Variants in STAG1 observed in about 807,000 individuals in gnomAD.
The protein encoded by STAG1 is cohesin subunit SA-1.
Under a neutral mutation model 170.9 loss-of-function variants are expected in STAG1, and 26 were observed. The ratio of observed to expected loss-of-function variants is 0.15; its 90% CI spans 0.11 to 0.21. The LOEUF (loss-of-function observed/expected upper bound fraction) is 0.21, where lower values mean the gene tolerates loss of function less well. Ranked by LOEUF, STAG1 falls within the 10% of genes least tolerant of loss-of-function variation. STAG1 has a pLI of 1.00. For missense variants in STAG1, 964 were observed against 1,509.5 expected (o/e 0.64, Z 5.99); for synonymous variants, 514 against 497.7 (o/e 1.03, Z -0.44).
chr3:136,359,182 T>C lies in STAG1; in HGVS notation c.2902A>G (p.Ile968Val), dbSNP rs1440789179. The C allele has an allele frequency of 6.2e-7, 1 of 1,613,474 alleles. No homozygotes were observed. Among genetic ancestry groups the C allele is most frequent in the African/African-American group, 1.3e-5 (1 of 74,942 alleles). Reference sequence around the variant, plus strand: ...GTGGCAACTGCTTCTCGTGTCTTAATCTGGTCCAATCCAAATGTAAGGGCA... The same window carrying C: ...GTGGCAACTGCTTCTCGTGTCTTAACCTGGTCCAATCCAAATGTAAGGGCA... ...RFALTFGLDQ[I>V]KTREAVATLH... Residue 968 changes from isoleucine to valine, a missense_variant, in exon 27 of 34, where the codon ATT becomes GTT. Transcript: ENST00000383202.
intron 5 of STAG1, among the ~76,000 whole-genome samples, chr3:136,551,700 C>A (rs992986128): frequency 6.6e-6 from 1 of 151,698 alleles, no homozygotes; most frequent in African/African-American, 2.4e-5. Context: ...GCAGCCTCAA[C>A]CTCTTGGCCA....
chr3:136,425,066 C>T (rs540236572), intron 16 of STAG1, among the ~76,000 whole-genome samples: 4 of 152,082 alleles, frequency 2.6e-5, no homozygotes, highest in African/African-American at 9.6e-5. Context: ...TCTCGATCTC[C>T]CGACCTCGTG....
intron 22 of STAG1, among the ~76,000 whole-genome samples, chr3:136,380,186 A>G (rs970266704): frequency 1.3e-5 from 2 of 152,232 alleles, no homozygotes; most frequent in African/African-American, 4.8e-5. Flanking sequence ...GTCTGACTCT[A>G]AAGTCCATGT....
chr3:136,747,180 G>A (rs1255212865), intron 1 of STAG1, among the ~76,000 whole-genome samples: 1 of 150,664 alleles, frequency 6.6e-6, no homozygotes, highest in Non-Finnish European at 1.5e-5. Context: ...GGCTGGGGCA[G>A]GAGAATCACT....
intron 29 of STAG1, among the ~76,000 whole-genome samples, chr3:136,345,464 T>TG (rs1936182959): frequency 6.7e-6 from 1 of 149,342 alleles, no homozygotes; most frequent in Admixed American, 6.6e-5. Context: ...TGTTTTTTTT[T>TG]TTTTTTTTTT....
rs550943096 is a variant in STAG1, at chr3:136,546,254, G to A, written c.395-4059C>T. On this transcript the variant is annotated intron_variant, in intron 5 of 33. Coordinates refer to ENST00000383202, the MANE Select transcript of STAG1 (RefSeq NM_005862.3). ...AAGAAATGACTGTAAGAAAAATAAT[G>A]TCTGTCTGCCACCTCAGTTCTATTA... Among the ~76,000 whole-genome samples the A allele has an allele frequency of 4.6e-5, 7 of 152,304 alleles. No individual in the cohort carries two copies. The South Asian group carries it at 1.4e-3, about 32-fold the overall frequency.
chr3:136,714,262 T>C (rs1395846384), intron 1 of STAG1, among the ~76,000 whole-genome samples: 2 of 152,088 alleles, frequency 1.3e-5, no homozygotes, highest in African/African-American at 4.8e-5. Context: ...AACCACAGTA[T>C]TTAGCAATAA....
chr3:136,347,081 TAAAA>T (rs57595953), intron 29 of STAG1, among the ~76,000 whole-genome samples: 1 of 118,220 alleles, frequency 8.5e-6, no homozygotes, highest in Admixed American at 8.7e-5. Context: ...CCTGTCTCAT[TAAAA>T]AAAAAAAAAA....
rs1224794731 is a variant in STAG1, at chr3:136,336,942, CTTTAGA to C, written c.*1306_*1311del. ...ATTGGTTTGGAAATTCTGAGGCTTA[CTTTAGA>C]AATCAGAAAGGAAGAGAGAGACTAA... On this transcript the variant is annotated 3_prime_UTR_variant, in exon 34 of 34. Coordinates refer to ENST00000383202, the MANE Select transcript of STAG1 (RefSeq NM_005862.3). 3.0e-5 allele frequency: 3 copies of C among 99,814 alleles called. No individual in the cohort carries two copies. Among genetic ancestry groups the C allele is most frequent in the African/African-American group, 1.2e-4 (3 of 25,104 alleles). The allele number at this position is 99,814 out of a possible 1,614,324, so 6.2% of individuals were successfully genotyped here.
At chr3:136,708,074 T>A (rs1007514794) in intron 1 of STAG1, among the ~76,000 whole-genome samples, 1 of 152,216 alleles carries the variant, frequency 6.6e-6, no homozygotes, top group Non-Finnish European at 1.5e-5. Flanking sequence ...CCAGCCACTG[T>A]CGAGAACAAT....
At chr3:136,565,021 G>GGCAGGCAGGCAC (rs1287846978) in intron 5 of STAG1, among the ~76,000 whole-genome samples, 17 of 95,740 alleles carry the variant, frequency 1.8e-4, no homozygotes, top group African/African-American at 1.1e-3. Flanking sequence ...AAGGCAGGCA[G>GGCAGGCAGGCAC]GCAGGCAGGC....
At chr3:136,661,835 CCT>C (rs1454199336) in intron 1 of STAG1, among the ~76,000 whole-genome samples, 6 of 152,118 alleles carry the variant, frequency 3.9e-5, no homozygotes, top group African/African-American at 1.4e-4. Context: ...TCACAGTATC[CCT>C]GTGAGGCAGG....
chr3:136,591,098 C>G (rs1938143371), intron 4 of STAG1, among the ~76,000 whole-genome samples: 1 of 150,712 alleles, frequency 6.6e-6, no homozygotes, highest in Non-Finnish European at 1.5e-5. Context: ...AAGAAAGTTG[C>G]TGCAAAATTA....
At chr3:136,738,756 A>T (rs917394604) in intron 1 of STAG1, among the ~76,000 whole-genome samples, 2 of 152,210 alleles carry the variant, frequency 1.3e-5, no homozygotes, top group African/African-American at 4.8e-5. Flanking sequence ...AGCAATGTAT[A>T]TTGGATACTT....
chr3:136,466,308 A>G (rs553991662), intron 12 of STAG1, among the ~76,000 whole-genome samples: 2 of 152,342 alleles, frequency 1.3e-5, no homozygotes, highest in East Asian at 3.9e-4. Flanking sequence ...AAGTCCTTAA[A>G]TGACCTGATG....
chr3:136,617,999 T>G (rs774193165), intron 3 of STAG1, among the ~76,000 whole-genome samples: 5 of 152,244 alleles, frequency 3.3e-5, no homozygotes, highest in Admixed American at 2.0e-4. Context: ...TATGTATGAA[T>G]AGACATTTAA....
intron 7 of STAG1, 84 bp from the exon 8 acceptor site, chr3:136,502,863 A>G: frequency 4.5e-6 from 5 of 1,117,426 alleles, no homozygotes; most frequent in Non-Finnish European, 5.9e-6. Context: ...CAATGGATGA[A>G]GAAATGAAAC....
At chr3:136,661,090 G>C (rs972867695) in intron 1 of STAG1, among the ~76,000 whole-genome samples, 5 of 152,142 alleles carry the variant, frequency 3.3e-5, no homozygotes, top group African/African-American at 1.2e-4. Flanking sequence ...AAGTGAACAG[G>C]CTAGCAACAA....
intron 15 of STAG1, 138 bp downstream of exon 15, chr3:136,443,149 C>T: frequency 1.9e-6 from 1 of 513,602 alleles, no homozygotes; most frequent in Non-Finnish European, 3.4e-6. Context: ...TTACTTGTTA[C>T]AGAAAACAAA....
Sources: allele counts gnomAD v4.1 joint callset (sites outside exome capture counted in the v4.1 genomes callset), GRCh38; gene constraint gnomAD v4.1.1; transcripts MANE v1.5; gene names NCBI Gene and HGNC (gene_info 2026-07-23, HGNC 2026-07-21).